CTIF: variants seen among roughly 807,000 people sequenced by gnomAD.
CTIF encodes cap binding complex dependent translation initiation factor.
In CTIF, 21 loss-of-function variants were observed where a neutral mutation model predicts 66.0. The ratio of observed to expected loss-of-function variants is 0.32; its 90% CI spans 0.23 to 0.46. The LOEUF (loss-of-function observed/expected upper bound fraction) is 0.46. Ranked by LOEUF, CTIF falls within the 20% of genes least tolerant of loss-of-function variation. The pLI is 1.00. For missense variants in CTIF, 739 were observed against 812.7 expected (o/e 0.91, Z 1.10); for synonymous variants, 345 against 326.4 (o/e 1.06, Z -0.62).
At chr18:48,608,133 G>A (rs559669089) in intron 1 of CTIF, among the ~76,000 whole-genome samples, 1 of 152,196 alleles carries the variant, frequency 6.6e-6, no homozygotes, top group South Asian at 2.1e-4. Context: ...GGAGCCAGGT[G>A]AGAGTGAGGC....
intron 1 of CTIF, among the ~76,000 whole-genome samples, chr18:48,580,655 TC>T (rs1462457250): frequency 1.3e-5 from 2 of 152,196 alleles, no homozygotes; most frequent in African/African-American, 4.8e-5. Context: ...TTCGGGACCC[TC>T]TCTGACTGGG....
chr18:48,750,010 C>T (rs1420628388), intron 7 of CTIF, among the ~76,000 whole-genome samples: 1 of 152,270 alleles, frequency 6.6e-6, no homozygotes, highest in Non-Finnish European at 1.5e-5. Context: ...CCCATGACAT[C>T]ACACTGCCTC....
intron 7 of CTIF, among the ~76,000 whole-genome samples, chr18:48,739,599 G>A (rs925605038): frequency 1.3e-5 from 2 of 152,230 alleles, no homozygotes; most frequent in African/African-American, 2.4e-5. Context: ...CAGGGCAGCA[G>A]TGGAGACTGA....
intron 6 of CTIF, among the ~76,000 whole-genome samples, chr18:48,710,623 T>C (rs1253956741): frequency 2.0e-5 from 3 of 152,234 alleles, no homozygotes; most frequent in Admixed American, 2.0e-4. Flanking sequence ...GCTCTGCCTG[T>C]GATCCTGCAT....
At chr18:48,569,280 G>T (rs1238181937) in intron 1 of CTIF, among the ~76,000 whole-genome samples, 1 of 152,104 alleles carries the variant, frequency 6.6e-6, no homozygotes, top group African/African-American at 2.4e-5. Context: ...ACAGTTTTGA[G>T]CAGAAAAACG....
At position 48,659,781 on chromosome 18, in the gene CTIF, T is replaced by TTCC. The variant is rs141065854; in HGVS notation, c.253-3970_253-3968dup. ...AGGAGAAGCAGCCTGGTGCCGAGTT[T>TTCC]TCCAGCCTGGGGAGGGAGACACAGG... On this transcript the variant is annotated intron_variant, in intron 3 of 11. Transcript: ENST00000256413. 8.7e-3 allele frequency among the ~76,000 whole-genome samples: 1,328 copies of TTCC among 152,252 alleles called. 15 individuals carry two copies. The highest frequency in any genetic ancestry group is 0.029 in the African/African-American group (1,203 of 41,536).
At chr18:48,557,840 A>G (rs2089058947) in intron 1 of CTIF, among the ~76,000 whole-genome samples, 1 of 152,154 alleles carries the variant, frequency 6.6e-6, no homozygotes, top group Non-Finnish European at 1.5e-5. Flanking sequence ...TGCACATGGG[A>G]AGAGACAGCT....
intron 1 of CTIF, among the ~76,000 whole-genome samples, chr18:48,615,391 T>C (rs2090380040): frequency 6.6e-6 from 1 of 152,184 alleles, no homozygotes; most frequent in Non-Finnish European, 1.5e-5. Context: ...TCCCCGCTTT[T>C]CTGAAGCTGG....
chr18:48,745,023 C>T (rs1489027041), intron 7 of CTIF, among the ~76,000 whole-genome samples: 1 of 152,066 alleles, frequency 6.6e-6, no homozygotes, highest in Admixed American at 6.6e-5. Flanking sequence ...AGGGTTTCAC[C>T]GTGTTAGCTA....
chr18:48,664,424 T>C (rs1353033898), intron 4 of CTIF, 23 bp from the exon 5 acceptor site: 3 of 1,603,460 alleles, frequency 1.9e-6, no homozygotes, highest in East Asian at 4.5e-5. Flanking sequence ...TGCCTCCGTT[T>C]CTCACCCTCC....
intron 10 of CTIF, among the ~76,000 whole-genome samples, chr18:48,823,077 G>A (rs1042003137): frequency 2.6e-5 from 4 of 152,150 alleles, no homozygotes; most frequent in African/African-American, 9.7e-5. Context: ...TTTATCAGAT[G>A]TATGGTTTGC....
At chr18:48,714,628 A>G (rs2092262224) in intron 7 of CTIF, among the ~76,000 whole-genome samples, 1 of 152,196 alleles carries the variant, frequency 6.6e-6, no homozygotes, top group African/African-American at 2.4e-5. Context: ...TCTGTGTCCC[A>G]TCCCAGTTCC....
intron 7 of CTIF, among the ~76,000 whole-genome samples, chr18:48,732,430 C>A (rs2092464755): frequency 6.6e-6 from 1 of 152,092 alleles, no homozygotes; most frequent in Admixed American, 6.5e-5. Flanking sequence ...CAGCTCTTAC[C>A]TTGATGACGG....
chr18:48,642,975 C>T lies in CTIF; in HGVS notation c.252+6290C>T, dbSNP rs184208699. Among the ~76,000 whole-genome samples, 83 of 152,296 alleles carry T rather than the reference C, an allele frequency of 5.4e-4. No individual in the cohort carries two copies. In the South Asian group the frequency reaches 7.9e-3, roughly 14 times the overall value. On this transcript the variant is annotated intron_variant, in intron 3 of 11. Coordinates refer to ENST00000256413, the MANE Select transcript of CTIF (RefSeq NM_014772.3). ...ATGTGGCCTCATCCAACCATAAGCA[C>T]ATTAAGAAGTACAACGCTACTCTGT...
At chr18:48,625,641 G>A (rs1198910464) in intron 2 of CTIF, among the ~76,000 whole-genome samples, 1 of 152,076 alleles carries the variant, frequency 6.6e-6, no homozygotes, top group Non-Finnish European at 1.5e-5. Context: ...TCAATAACTT[G>A]CATTTTTCAC....
At chr18:48,625,261 G>A (rs1178208795) in intron 2 of CTIF, 1 of 977,846 alleles carries the variant, frequency 1.0e-6, no homozygotes, top group Non-Finnish European at 1.2e-6. Flanking sequence ...GGACTGCGGG[G>A]TGGTTCAGCA....
rs759619750 is a variant in CTIF at position 48,636,664 on chromosome 18, A to T, written c.231A>T (p.Arg77=). ...EPLDSSCSFS[R]GRAPPQQNGS... ...TGGACAGCAGCTGTTCCTTCTCCCG[A>T]GGGCGAGCCCCCCCACAGCAGGTAG... Residue 77 remains arginine, a synonymous_variant, in exon 3 of 12, where the codon CGA becomes CGT. Transcript: ENST00000256413. The T allele has an allele frequency of 6.0e-5, 96 of 1,601,054 alleles. No individual in the cohort carries two copies. The highest frequency in any genetic ancestry group is 8.0e-5 in the Non-Finnish European group (94 of 1,174,836).
At chr18:48,683,819 G>A (rs1414853046) in intron 6 of CTIF, among the ~76,000 whole-genome samples, 1 of 152,186 alleles carries the variant, frequency 6.6e-6, no homozygotes, top group Non-Finnish European at 1.5e-5. Context: ...GAGGGTAAAT[G>A]GTGGCTCCTT....
At chr18:48,580,663 T>A (rs2089634099) in intron 1 of CTIF, among the ~76,000 whole-genome samples, 1 of 152,238 alleles carries the variant, frequency 6.6e-6, no homozygotes, top group Non-Finnish European at 1.5e-5. Context: ...CCTCTCTGAC[T>A]GGGACTGTCA....
Sources: allele counts gnomAD v4.1 joint callset (sites outside exome capture counted in the v4.1 genomes callset), GRCh38; gene constraint gnomAD v4.1.1; transcripts MANE v1.5; gene names NCBI Gene and HGNC (gene_info 2026-07-23, HGNC 2026-07-21).